The following PLCL1 variants were observed in gnomAD, a reference collection of about 807,000 sequenced individuals.
PLCL1 encodes phospholipase C like 1 (inactive).
A neutral mutation model predicts 84.4 loss-of-function variants in PLCL1; 41 were observed. That is an observed-to-expected ratio of 0.49 (90% CI 0.38 to 0.63). The LOEUF (loss-of-function observed/expected upper bound fraction) is 0.63, where lower values mean the gene tolerates loss of function less well. PLCL1 is among the 30% of genes least tolerant of loss of function. The pLI, the probability that PLCL1 is intolerant of heterozygous loss-of-function variation, is 0.00. For missense variants in PLCL1, 1,206 were observed against 1,367.8 expected (o/e 0.88, Z 1.87); for synonymous variants, 490 against 488.3 (o/e 1.00, Z -0.05).
chr2:198,081,069 T>G (rs1483773042), intron 1 of PLCL1, among the ~76,000 whole-genome samples: 1 of 152,162 alleles, frequency 6.6e-6, no homozygotes, highest in African/African-American at 2.4e-5. Flanking sequence ...GTGACTCAAG[T>G]CAGTAGCAGG....
At chr2:197,983,155 T>TTTCC (rs1690146291) in intron 1 of PLCL1, among the ~76,000 whole-genome samples, 1 of 150,582 alleles carries the variant, frequency 6.6e-6, no homozygotes, top group African/African-American at 2.4e-5. Context: ...TTTCTTTTCT[T>TTTCC]TTCCTTTCTT....
chr2:198,133,200 A>G (rs1272235198), intron 5 of PLCL1, among the ~76,000 whole-genome samples: 4 of 152,210 alleles, frequency 2.6e-5, no homozygotes, highest in African/African-American at 9.6e-5. Context: ...GCAGCCATAA[A>G]AAATGATGAG....
intron 1 of PLCL1, among the ~76,000 whole-genome samples, chr2:197,883,284 C>T (rs962562220): frequency 2.6e-5 from 4 of 152,056 alleles, no homozygotes; most frequent in African/African-American, 9.7e-5. Context: ...TCAGCCTGAC[C>T]ATATAAAAAA....
intron 3 of PLCL1, among the ~76,000 whole-genome samples, chr2:198,097,612 T>C (rs1693232337): frequency 6.6e-6 from 1 of 152,166 alleles, no homozygotes; most frequent in Admixed American, 6.5e-5. Flanking sequence ...GACAACTGTT[T>C]GGGGAACAAA....
intron 1 of PLCL1, among the ~76,000 whole-genome samples, chr2:198,040,903 G>A (rs1019016167): frequency 1.3e-5 from 2 of 152,154 alleles, no homozygotes; most frequent in African/African-American, 4.8e-5. Context: ...AATAGAGAGG[G>A]ACTGATTGTG....
rs543300051 is a variant in PLCL1, at chr2:197,982,869, T to G, written c.241-100889T>G. 1.8e-4 allele frequency among the ~76,000 whole-genome samples: 27 copies of G among 152,344 alleles called. 1 individual carries two copies. The South Asian group carries it at 5.6e-3, about 32-fold the overall frequency. ...AAACAGAACAGCCTCAACAATTTGT[T>G]GATTCAAAACTTTTAAATATCAATA... On this transcript the variant is annotated intron_variant, in intron 1 of 5. Transcript: ENST00000428675.
intron 5 of PLCL1, among the ~76,000 whole-genome samples, chr2:198,131,885 G>A (rs546200793): frequency 5.9e-5 from 9 of 152,318 alleles, no homozygotes; most frequent in African/African-American, 2.2e-4. Flanking sequence ...CTAGAAAGAA[G>A]AGGAGCCACT....
At chr2:198,134,375 T>C (rs1291854412) in intron 5 of PLCL1, among the ~76,000 whole-genome samples, 2 of 152,124 alleles carry the variant, frequency 1.3e-5, no homozygotes. Context: ...GTTGGCCACA[T>C]CCTTGATTTA....
chr2:197,918,946 C>CTT (rs1559044827), intron 1 of PLCL1, among the ~76,000 whole-genome samples: 8 of 132,638 alleles, frequency 6.0e-5, no homozygotes, highest in Non-Finnish European at 1.2e-4. Flanking sequence ...GTCTCTCTCT[C>CTT]TCTCTCTCTC....
intron 1 of PLCL1, among the ~76,000 whole-genome samples, chr2:197,938,141 A>C (rs945028052): frequency 1.2e-4 from 19 of 152,164 alleles, no homozygotes; most frequent in African/African-American, 4.6e-4. Context: ...AGTCTTCATG[A>C]GTCAATAATT....
At chr2:198,022,715 A>G (rs551265008) in intron 1 of PLCL1, among the ~76,000 whole-genome samples, 4 of 152,330 alleles carry the variant, frequency 2.6e-5, no homozygotes, top group Admixed American at 2.6e-4. Context: ...CTCTTCAAGG[A>G]GAACTACAAA....
intron 1 of PLCL1, among the ~76,000 whole-genome samples, chr2:197,948,266 G>T (rs77495367): frequency 6.6e-6 from 1 of 152,084 alleles, no homozygotes; most frequent in African/African-American, 2.4e-5. Context: ...AACTAAGAAC[G>T]CTGGAGTAGA....
intron 1 of PLCL1, among the ~76,000 whole-genome samples, chr2:198,063,459 T>G (rs555332988): frequency 1.3e-5 from 2 of 152,282 alleles, no homozygotes; most frequent in South Asian, 4.1e-4. Context: ...GCTAACTGTT[T>G]ACTTTGCAAG....
chr2:198,046,003 T>G (rs1057440871), intron 1 of PLCL1, among the ~76,000 whole-genome samples: 2 of 152,156 alleles, frequency 1.3e-5, no homozygotes, highest in African/African-American at 4.8e-5. Flanking sequence ...AAAGGGTGAC[T>G]GGTGGGGGGT....
At chr2:198,096,611 T>A (rs888759632) in intron 3 of PLCL1, among the ~76,000 whole-genome samples, 4 of 152,238 alleles carry the variant, frequency 2.6e-5, no homozygotes, top group Non-Finnish European at 5.9e-5. Context: ...ACTTCTGTGC[T>A]ACCTTATTTA....
At chr2:197,881,274 G>A (rs1171004674) in intron 1 of PLCL1, among the ~76,000 whole-genome samples, 2 of 152,144 alleles carry the variant, frequency 1.3e-5, no homozygotes, top group Admixed American at 6.6e-5. Context: ...GAGAAACAGA[G>A]GTTAACCAAA....
At position 197,999,285 on chromosome 2, in the gene PLCL1, G is replaced by T. The variant is rs148548643; in HGVS notation, c.241-84473G>T. 5.1e-4 allele frequency among the ~76,000 whole-genome samples: 77 copies of T among 152,232 alleles called. 2 individuals are homozygous for T. In the East Asian group the frequency reaches 0.014, roughly 28 times the overall value. ...CATGTATAAAATGAAGACGTAAACT[G>T]CCAGGATTGAATGTGATCTACATAC... On this transcript the variant is annotated intron_variant, in intron 1 of 5. Coordinates refer to ENST00000428675, the MANE Select transcript of PLCL1 (RefSeq NM_006226.4).
intron 1 of PLCL1, among the ~76,000 whole-genome samples, chr2:197,997,135 A>G (rs1224414462): frequency 6.6e-6 from 1 of 152,240 alleles, no homozygotes; most frequent in East Asian, 1.9e-4. Context: ...GCCAACAGGT[A>G]TAGCTGGCTT....
In PLCL1 at chr2:198,149,105, G is replaced by A. The variant is rs978534580; in HGVS notation, c.*2143G>A. On this transcript the variant is annotated 3_prime_UTR_variant, in exon 6 of 6. Transcript: ENST00000428675. ...GAGCAGGGAGGAGCTTTGGATTCTG[G>A]GAGTGGAGGTGGCAAGGGAAAAGTC... 9.2e-5 allele frequency: 14 copies of A among 152,342 alleles called. No homozygotes were observed. Among genetic ancestry groups the A allele is most frequent in the African/African-American group, 3.1e-4 (13 of 41,430 alleles). 9.4% of individuals were successfully genotyped at this position (152,342 alleles called of 1,614,324 possible).
Sources: gnomAD v4.1 joint callset for allele counts (sites outside exome capture counted in the v4.1 genomes callset) on GRCh38, gnomAD v4.1.1 for gene constraint, MANE v1.5 for transcripts, NCBI Gene and HGNC (gene_info 2026-07-23, HGNC 2026-07-21) for gene names.